Variants in KCNJ3 observed in about 807,000 individuals in gnomAD.
KCNJ3 encodes potassium inwardly rectifying channel subfamily J member 3, also known as G protein-activated inward rectifier potassium channel 1.
KCNJ3 carries 4 observed loss-of-function variants against 39.2 expected under a neutral mutation model. The observed-to-expected ratio is 0.10, with a 90% CI of 0.05 to 0.23. The LOEUF is 0.23. Ranked by LOEUF, KCNJ3 falls within the 10% of genes least tolerant of loss-of-function variation. The probability of loss-of-function intolerance (pLI) is 1.00; values close to 1 mark genes in which losing one functional copy is unlikely to be tolerated. For missense variants in KCNJ3, 276 were observed against 634.9 expected, an observed-to-expected ratio of 0.43 and a Z score of 6.08; for synonymous variants, 230 against 237.4, an observed-to-expected ratio of 0.97 and a Z score of 0.29.
chr2:154,751,492 C>A (rs562497099), intron 2 of KCNJ3, among the ~76,000 whole-genome samples: 1 of 151,986 alleles, frequency 6.6e-6, no homozygotes, highest in South Asian at 2.1e-4. Flanking sequence ...AGGATATGTC[C>A]TATATGATCT....
intron 2 of KCNJ3, among the ~76,000 whole-genome samples, chr2:154,804,323 G>A (rs1027027889): frequency 2.0e-5 from 3 of 152,098 alleles, no homozygotes; most frequent in Admixed American, 2.0e-4. Context: ...CACTAGAAGT[G>A]CTAGTTTTAG....
chr2:154,827,233 C>T (rs1366559478), intron 2 of KCNJ3, among the ~76,000 whole-genome samples: 1 of 152,126 alleles, frequency 6.6e-6, no homozygotes, highest in East Asian at 1.9e-4. Context: ...GAAAATCTGA[C>T]TCCTAAAGGC....
intron 2 of KCNJ3, among the ~76,000 whole-genome samples, chr2:154,724,229 T>C (rs1685311903): frequency 6.6e-6 from 1 of 152,104 alleles, no homozygotes; most frequent in Non-Finnish European, 1.5e-5. Flanking sequence ...ACCATGAAGA[T>C]CTGAGATTAC....
intron 2 of KCNJ3, among the ~76,000 whole-genome samples, chr2:154,836,956 A>AAAAC (rs1356437537): frequency 6.6e-6 from 1 of 152,236 alleles, no homozygotes; most frequent in African/African-American, 2.4e-5. Flanking sequence ...GAGTTGGGGT[A>AAAAC]AAACAATTTT....
intron 2 of KCNJ3, among the ~76,000 whole-genome samples, chr2:154,780,611 G>T (rs749963172): frequency 3.9e-5 from 6 of 151,978 alleles, no homozygotes; most frequent in Non-Finnish European, 8.8e-5. Context: ...GGGGTTGGGG[G>T]TCAGGGAGGG....
intron 2 of KCNJ3, among the ~76,000 whole-genome samples, chr2:154,750,833 A>G (rs1685829621): frequency 6.6e-6 from 1 of 151,988 alleles, no homozygotes; most frequent in Non-Finnish European, 1.5e-5. Context: ...AATTCTCATT[A>G]TTTATATTTT....
chr2:154,715,407 A>G (rs1005541155), intron 2 of KCNJ3, among the ~76,000 whole-genome samples: 2 of 152,138 alleles, frequency 1.3e-5, no homozygotes, highest in African/African-American at 2.4e-5. Flanking sequence ...TGCCTCCCAT[A>G]TTTGTGATCA....
At chr2:154,828,567 T>C (rs998171874) in intron 2 of KCNJ3, among the ~76,000 whole-genome samples, 1 of 152,154 alleles carries the variant, frequency 6.6e-6, no homozygotes. Flanking sequence ...TTGAGAGATG[T>C]CCATATGACC....
At chr2:154,736,374 T>TAAAAAAAAAAAAAAAAA (rs70983745) in intron 2 of KCNJ3, among the ~76,000 whole-genome samples, 28 of 93,218 alleles carry the variant, frequency 3.0e-4, no homozygotes, top group South Asian at 9.6e-4. Flanking sequence ...TCACTAGTTC[T>TAAAAAAAAAAAAAAAAA]AAAAAAAAAA....
intron 2 of KCNJ3, among the ~76,000 whole-genome samples, chr2:154,762,868 C>T (rs1686069958): frequency 1.3e-5 from 2 of 152,072 alleles, no homozygotes; most frequent in African/African-American, 4.8e-5. Context: ...GGCTGGGAAG[C>T]TTTAAGCTAC....
At chr2:154,768,851 C>T (rs984187967) in intron 2 of KCNJ3, among the ~76,000 whole-genome samples, 12 of 152,162 alleles carry the variant, frequency 7.9e-5, no homozygotes, top group Non-Finnish European at 1.5e-4. Flanking sequence ...TTTGTGTCCT[C>T]TTTTATTTCC....
chr2:154,809,743 C>G (rs2105100448), intron 2 of KCNJ3, among the ~76,000 whole-genome samples: 1 of 152,200 alleles, frequency 6.6e-6, no homozygotes, highest in South Asian at 2.1e-4. Context: ...GTATCTTATC[C>G]ACAATAATTT....
intron 2 of KCNJ3, among the ~76,000 whole-genome samples, chr2:154,757,582 T>C (rs183425665): frequency 1.3e-5 from 2 of 152,318 alleles, no homozygotes; most frequent in African/African-American, 4.8e-5. Context: ...ATGTAATACT[T>C]CACTTTATTT....
chr2:154,792,705 T>C (rs993990960), intron 2 of KCNJ3, among the ~76,000 whole-genome samples: 1 of 152,138 alleles, frequency 6.6e-6, no homozygotes, highest in Non-Finnish European at 1.5e-5. Flanking sequence ...GGCAGAGAGA[T>C]CTATGGCCTC....
At position 154,699,450 on chromosome 2, in the gene KCNJ3, C is replaced by T. The variant is rs1444496593; in HGVS notation, c.675C>T (p.Ser225=). ...ACCTGCGCAACAGCCACATGGTCTC[C>T]GCGCAGATTCGCTGCAAGCTGCTCA... ...VGNLRNSHMV[S]AQIRCKLLKS... is the part of the protein sequence containing the mutation. Residue 225 remains serine, a synonymous_variant, in exon 1 of 3, where the codon TCC becomes TCT. Coordinates refer to ENST00000295101, the MANE Select transcript of KCNJ3 (RefSeq NM_002239.4). This position sits in a 1 kb window ranked among gnomAD's most constrained non-coding sequence, Gnocchi z 6.4. 6 of 1,597,388 alleles carry T rather than the reference C, an allele frequency of 3.8e-6. No homozygotes were observed. Among genetic ancestry groups the T allele is most frequent in the Middle Eastern group, 1.7e-4 (1 of 6,004 alleles).
At chr2:154,700,228 C>T (rs1288111894) in intron 1 of KCNJ3, among the ~76,000 whole-genome samples, 1 of 152,188 alleles carries the variant, frequency 6.6e-6, no homozygotes, top group African/African-American at 2.4e-5. Context: ...TTACAGATTT[C>T]ACTTGAAGCT....
intron 2 of KCNJ3, among the ~76,000 whole-genome samples, chr2:154,800,803 G>C (rs931118469): frequency 6.6e-6 from 1 of 152,030 alleles, no homozygotes; most frequent in African/African-American, 2.4e-5. Context: ...CTGTTCTATA[G>C]TACCTTTAGA....
chr2:154,763,372 G>A (rs551799294), intron 2 of KCNJ3, among the ~76,000 whole-genome samples: 96 of 151,466 alleles, frequency 6.3e-4, no homozygotes, highest in South Asian at 2.5e-3. Flanking sequence ...AGGCTGCTTG[G>A]AATACTAGTA....
chr2:154,754,608 G>A (rs1298572673), intron 2 of KCNJ3, among the ~76,000 whole-genome samples: 3 of 152,126 alleles, frequency 2.0e-5, no homozygotes, highest in African/African-American at 4.8e-5. Flanking sequence ...TCAATATATG[G>A]CATAATATCC....
Sources: allele counts gnomAD v4.1 joint callset (sites outside exome capture counted in the v4.1 genomes callset), GRCh38; gene constraint gnomAD v4.1.1; non-coding constraint Gnocchi (gnomAD v3.1); transcripts MANE v1.5; gene names NCBI Gene and HGNC (gene_info 2026-07-23, HGNC 2026-07-21).